The following SLA variants were observed in gnomAD, a reference collection of about 807,000 sequenced individuals.
The protein encoded by SLA is Src like adaptor.
In SLA, 16 loss-of-function variants were observed where a neutral mutation model predicts 30.3. That is an observed-to-expected ratio of 0.53 (90% CI 0.36 to 0.80). The LOEUF (loss-of-function observed/expected upper bound fraction) is 0.80, where lower values mean the gene tolerates loss of function less well. Among genes scored for constraint, SLA ranks in the 30% least tolerant of loss-of-function variants. SLA has a pLI of 0.01. For synonymous variants in SLA, 143 were observed against 137.8 expected (o/e 1.04, Z -0.26); for missense variants, 310 against 345.2 (o/e 0.90, Z 0.81).
chr8:133,043,380 C>T (rs1317744022), intron 7 of SLA, among the ~76,000 whole-genome samples: 1 of 152,228 alleles, frequency 6.6e-6, no homozygotes, highest in African/African-American at 2.4e-5. Context: ...AATACCACAA[C>T]CAACCTTTTC....
chr8:133,096,895 G>A (rs1356132827), intron 1 of SLA, among the ~76,000 whole-genome samples: 2 of 152,208 alleles, frequency 1.3e-5, no homozygotes, highest in South Asian at 2.1e-4. Flanking sequence ...TGAAGTGGGA[G>A]TGAGCTGGGA....
chr8:133,055,033 G>A (rs1188869997), intron 3 of SLA, among the ~76,000 whole-genome samples: 2 of 152,150 alleles, frequency 1.3e-5, no homozygotes, highest in African/African-American at 4.8e-5. Context: ...CCAAAGCTGG[G>A]AGAGTTTTAG....
intron 1 of SLA, among the ~76,000 whole-genome samples, chr8:133,098,752 G>C (rs1167384553): frequency 6.6e-6 from 1 of 152,188 alleles, no homozygotes; most frequent in Non-Finnish European, 1.5e-5. Context: ...CATCCATCAG[G>C]GAGGGTGAGG....
intron 1 of SLA, among the ~76,000 whole-genome samples, chr8:133,085,265 C>A (rs1292511550): frequency 1.3e-5 from 2 of 152,138 alleles, no homozygotes; most frequent in Non-Finnish European, 2.9e-5. Context: ...CTATAGAATG[C>A]AAGGCAGAAC....
In SLA at chr8:133,096,214, C is replaced by T. The variant is rs148073635; in HGVS notation, c.-319+6339G>A. On this transcript the variant is annotated intron_variant, in intron 1 of 8. Transcript: ENST00000338087. ...TGTTGCATCCAATGCAGCTCCTGGCCGTGAGTGGCCCTTTCCACTACTGGG... is the reference window on the plus strand; with the variant it reads ...TGTTGCATCCAATGCAGCTCCTGGCTGTGAGTGGCCCTTTCCACTACTGGG... 93 of 1,614,100 alleles carry T rather than the reference C, an allele frequency of 5.8e-5. No homozygotes were observed. In the Admixed American group the frequency reaches 1.2e-3, roughly 21 times the overall value.
intron 1 of SLA, among the ~76,000 whole-genome samples, chr8:133,097,971 G>A (rs924540306): frequency 1.3e-5 from 2 of 152,066 alleles, no homozygotes; most frequent in African/African-American, 2.4e-5. Flanking sequence ...TGTGTTGCAA[G>A]GGGGGGTGTC....
chr8:133,051,357 C>CA (rs1840370298), intron 3 of SLA, among the ~76,000 whole-genome samples: 2 of 152,202 alleles, frequency 1.3e-5, no homozygotes, highest in Non-Finnish European at 1.5e-5. Context: ...CCCCCCTTCT[C>CA]ACTACCAATG....
rs1472583017 is a variant in SLA, at chr8:133,038,137, G to A, written c.*387C>T. 3 of 198,978 alleles carry A rather than the reference G, an allele frequency of 1.5e-5. No individual in the cohort carries two copies. Among genetic ancestry groups the A allele is most frequent in the African/African-American group, 4.7e-5 (2 of 42,436 alleles). 12.3% of individuals were successfully genotyped at this position (198,978 alleles called of 1,614,324 possible). On this transcript the variant is annotated 3_prime_UTR_variant, in exon 9 of 9. Transcript: ENST00000338087. ...CCCTCTCAGGCTTGCCCATACAGAAGTTCTCTCCAATGACCTTGGAGTGTA... is the reference window on the plus strand; with the variant it reads ...CCCTCTCAGGCTTGCCCATACAGAAATTCTCTCCAATGACCTTGGAGTGTA...
At chr8:133,091,362 G>C (rs527630507) in intron 1 of SLA, among the ~76,000 whole-genome samples, 2 of 152,196 alleles carry the variant, frequency 1.3e-5, no homozygotes, top group African/African-American at 2.4e-5. Flanking sequence ...GAAGTGCAAG[G>C]CGTGCCAGGA....
At chr8:133,093,147 T>TCTTTTCTTTTCTTTTCTTTTCTTTTC (rs1564180977) in intron 1 of SLA, among the ~76,000 whole-genome samples, 7 of 149,796 alleles carry the variant, frequency 4.7e-5, no homozygotes, top group African/African-American at 1.8e-4. Flanking sequence ...TTCTTTTTTT[T>TCTTTTCTTTTCTTTTCTTTTCTTTTC]TTTTAATTTA....
At chr8:133,062,162 C>T (rs1842455898) in intron 2 of SLA, among the ~76,000 whole-genome samples, 1 of 152,162 alleles carries the variant, frequency 6.6e-6, no homozygotes, top group African/African-American at 2.4e-5. Context: ...AAAGAGGATG[C>T]CCTTGCAAAT....
chr8:133,038,487 G>T lies in SLA; in HGVS notation c.*37C>A. 1 of 1,493,356 alleles carries T rather than the reference G, an allele frequency of 6.7e-7. No homozygotes were observed. Among genetic ancestry groups the T allele is most frequent in the Non-Finnish European group, 9.3e-7 (1 of 1,070,146 alleles). The allele number at this position is 1,493,356 out of a possible 1,614,324, so 92.5% of individuals were successfully genotyped here. On this transcript the variant is annotated 3_prime_UTR_variant, in exon 9 of 9. Transcript: ENST00000338087. ...ATCCCAGGCAATAGTTGGAACTTCTGTTCCTTTTGGGCATGAACCATTGTG... is the reference window on the plus strand; with the variant it reads ...ATCCCAGGCAATAGTTGGAACTTCTTTTCCTTTTGGGCATGAACCATTGTG...
Position 133,102,559 on chromosome 8 carries a change from A to G in SLA, c.-325T>C. 6.4e-7 allele frequency: 1 copy of G among 1,551,604 alleles called. No individual in the cohort carries two copies. The highest frequency in any genetic ancestry group is 1.2e-5 in the South Asian group (1 of 84,060). On this transcript the variant is annotated 5_prime_UTR_variant, in exon 1 of 9. Coordinates refer to ENST00000338087, the MANE Select transcript of SLA (RefSeq NM_001045556.3). ...AGCAAAGTTAGCAACCTACCGGTGG[A>G]GCATCAGGGCTGCCTGAGATGTTCT...
At chr8:133,063,260 G>A (rs2131353676) in intron 2 of SLA, among the ~76,000 whole-genome samples, 1 of 151,630 alleles carries the variant, frequency 6.6e-6, no homozygotes, top group South Asian at 2.1e-4. Context: ...AGATGCCAGG[G>A]TGCCCCCAGC....
intron 1 of SLA, among the ~76,000 whole-genome samples, chr8:133,086,200 T>C (rs1588046807): frequency 6.6e-6 from 1 of 151,570 alleles, no homozygotes; most frequent in Admixed American, 6.6e-5. Context: ...CGGCTGGGAG[T>C]GAGGGTGGAG....
intron 2 of SLA, among the ~76,000 whole-genome samples, chr8:133,071,580 C>T (rs1199093867): frequency 1.3e-5 from 2 of 152,068 alleles, no homozygotes; most frequent in Non-Finnish European, 2.9e-5. Context: ...TTGGAACTTG[C>T]ATTCAGAGGA....
At chr8:133,059,223 T>A (rs1347050932) in intron 3 of SLA, 1 of 444,304 alleles carries the variant, frequency 2.3e-6, no homozygotes, top group Non-Finnish European at 4.6e-6. Flanking sequence ...AGGCCCCAAA[T>A]GCTACCATGT....
intron 2 of SLA, among the ~76,000 whole-genome samples, chr8:133,066,543 C>T (rs1374819424): frequency 6.6e-6 from 1 of 152,154 alleles, no homozygotes; most frequent in Non-Finnish European, 1.5e-5. Flanking sequence ...TTCTTATTTA[C>T]TTACACATTT....
chr8:133,072,832 C>T (rs1844272665), intron 2 of SLA: 1 of 145,034 alleles, frequency 6.9e-6, no homozygotes, highest in Non-Finnish European at 1.6e-5. Flanking sequence ...TGCAAACCTA[C>T]CCCTGTCTGT....
Sources: allele counts gnomAD v4.1 joint callset (sites outside exome capture counted in the v4.1 genomes callset), GRCh38; gene constraint gnomAD v4.1.1; transcripts MANE v1.5; gene names NCBI Gene and HGNC (gene_info 2026-07-23, HGNC 2026-07-21).